The following HCRTR2 variants were observed in gnomAD, a reference collection of about 807,000 sequenced individuals.
HCRTR2 encodes the protein hypocretin receptor 2, also known as orexin receptor type 2.
HCRTR2 carries 22 observed loss-of-function variants against 49.0 expected under a neutral mutation model. That is an observed-to-expected ratio of 0.45 (90% CI 0.32 to 0.64). HCRTR2 has a LOEUF of 0.64. HCRTR2 is among the 30% of genes least tolerant of loss of function. The pLI is 0.04. For missense variants in HCRTR2, 491 were observed against 559.4 expected (o/e 0.88, Z 1.23); for synonymous variants, 236 against 205.3 (o/e 1.15, Z -1.28).
chr6:55,203,055 A>T (rs1262533478), intron 1 of HCRTR2, among the ~76,000 whole-genome samples: 1 of 152,178 alleles, frequency 6.6e-6, no homozygotes, highest in Non-Finnish European at 1.5e-5. Flanking sequence ...CATTATTCAG[A>T]GTTCTTCCAG....
intron 1 of HCRTR2, among the ~76,000 whole-genome samples, chr6:55,211,373 C>T (rs1691941959): frequency 6.6e-6 from 1 of 152,118 alleles, no homozygotes; most frequent in South Asian, 2.1e-4. Context: ...TTTTGCAAAG[C>T]ATCAAATGGT....
intron 1 of HCRTR2, among the ~76,000 whole-genome samples, chr6:55,151,116 C>G (rs1046306641): frequency 6.6e-6 from 1 of 151,908 alleles, no homozygotes; most frequent in Non-Finnish European, 1.5e-5. Context: ...TGGGTCTTGC[C>G]TCAATGTTGA....
At chr6:55,176,684 A>AT (rs1765045885) in intron 1 of HCRTR2, among the ~76,000 whole-genome samples, 1 of 152,148 alleles carries the variant, frequency 6.6e-6, no homozygotes, top group Admixed American at 6.6e-5. Context: ...ATTCAGTTCC[A>AT]TTTTTTCTGA....
At chr6:55,154,639 A>C (rs897259630) in intron 1 of HCRTR2, among the ~76,000 whole-genome samples, 9 of 151,828 alleles carry the variant, frequency 5.9e-5, no homozygotes, top group Admixed American at 3.3e-4. Context: ...GCTTCTATTC[A>C]GCATAGTGCT....
intron 1 of HCRTR2, among the ~76,000 whole-genome samples, chr6:55,112,254 C>T (rs558765667): frequency 2.6e-5 from 4 of 151,976 alleles, no homozygotes; most frequent in Non-Finnish European, 4.4e-5. Context: ...TGCCAACTTT[C>T]ACCACTTCTA....
At chr6:55,223,413 A>G (rs1347793781) in intron 1 of HCRTR2, among the ~76,000 whole-genome samples, 1 of 152,202 alleles carries the variant, frequency 6.6e-6, no homozygotes, top group African/African-American at 2.4e-5. Flanking sequence ...AAAATACAGC[A>G]TCGCTTTTAA....
chr6:55,110,092 C>G (rs1224098317), intron 1 of HCRTR2, among the ~76,000 whole-genome samples: 2 of 152,076 alleles, frequency 1.3e-5, no homozygotes, highest in South Asian at 2.1e-4. Context: ...AAATGATTAT[C>G]AGCCAAGAAT....
rs561714147 is a variant in HCRTR2 at position 55,208,319 on chromosome 6, T to TAAA, written c.223+33514_223+33516dup. 7.4e-4 allele frequency among the ~76,000 whole-genome samples: 94 copies of TAAA among 126,740 alleles called. 2 individuals carry two copies. Among genetic ancestry groups the TAAA allele is most frequent in the African/African-American group, 2.8e-3 (90 of 32,694 alleles). The allele number at this position is 126,740 out of a possible 152,430, so 83.1% of individuals were successfully genotyped here. A position where few individuals can be genotyped will look rare whatever the true frequency, so the allele number is the denominator to read the frequency against. ...GGTGAAAAACAGTCTCTACGAAAAA[T>TAAA]AAAAAAATAAAAAAAAAAAAAAAAT... On this transcript the variant is annotated intron_variant, in intron 1 of 6. Transcript: ENST00000370862.
intron 1 of HCRTR2, among the ~76,000 whole-genome samples, chr6:55,112,842 T>C (rs746593108): frequency 9.9e-5 from 15 of 151,554 alleles, no homozygotes; most frequent in Non-Finnish European, 2.2e-4. Flanking sequence ...GCAAAAAGAA[T>C]AAATCTGGAG....
chr6:55,118,441 G>A (rs537807824), intron 1 of HCRTR2, among the ~76,000 whole-genome samples: 1 of 151,956 alleles, frequency 6.6e-6, no homozygotes, highest in Admixed American at 6.6e-5. Flanking sequence ...GGGTTGAATG[G>A]TATTTCTGTC....
chr6:55,253,004 T>C (rs1184253279), intron 2 of HCRTR2, among the ~76,000 whole-genome samples: 2 of 152,034 alleles, frequency 1.3e-5, no homozygotes, highest in Non-Finnish European at 2.9e-5. Context: ...ATCCACATTT[T>C]ACAGATGAGA....
At chr6:55,233,545 A>G (rs1766157028) in intron 1 of HCRTR2, among the ~76,000 whole-genome samples, 1 of 152,302 alleles carries the variant, frequency 6.6e-6, no homozygotes, top group Admixed American at 6.5e-5. Flanking sequence ...AAATAAAATA[A>G]CACTAGCCAG....
chr6:55,214,911 A>G (rs914129784), intron 1 of HCRTR2, among the ~76,000 whole-genome samples: 1 of 152,026 alleles, frequency 6.6e-6, no homozygotes, highest in African/African-American at 2.4e-5. Context: ...AAACAAAAAG[A>G]AGACTAAAAA....
intron 1 of HCRTR2, among the ~76,000 whole-genome samples, chr6:55,158,724 C>A (rs995725070): frequency 3.3e-5 from 5 of 152,198 alleles, no homozygotes; most frequent in African/African-American, 4.8e-5. Context: ...GACAGTTCGG[C>A]AAAGCCACTA....
At chr6:55,275,810 A>C (rs1218492959) in intron 4 of HCRTR2, among the ~76,000 whole-genome samples, 2 of 151,942 alleles carry the variant, frequency 1.3e-5, no homozygotes, top group Non-Finnish European at 2.9e-5. Context: ...GGGTTTCTTC[A>C]TGTTGGTCAG....
chr6:55,124,560 T>G (rs1764247123), intron 1 of HCRTR2, among the ~76,000 whole-genome samples: 1 of 152,186 alleles, frequency 6.6e-6, no homozygotes, highest in Admixed American at 6.6e-5. Flanking sequence ...ATAAGTGTGA[T>G]GAATTGCTGA....
chr6:55,247,823 A>G (rs931460658), intron 1 of HCRTR2, among the ~76,000 whole-genome samples: 1 of 152,038 alleles, frequency 6.6e-6, no homozygotes, highest in Non-Finnish European at 1.5e-5. Flanking sequence ...TTGCTGGGTG[A>G]TGTTTAGAGG....
chr6:55,228,422 A>C (rs1766053038), intron 1 of HCRTR2, among the ~76,000 whole-genome samples: 1 of 152,218 alleles, frequency 6.6e-6, no homozygotes. Flanking sequence ...GCTTCTTAGC[A>C]TCTTTGTCTT....
At chr6:55,191,096 T>G (rs1039817351) in intron 1 of HCRTR2, among the ~76,000 whole-genome samples, 9 of 152,118 alleles carry the variant, frequency 5.9e-5, no homozygotes, top group Admixed American at 3.3e-4. Flanking sequence ...ATAAGAGGAA[T>G]TAGGGGCAAT....
Sources: allele counts gnomAD v4.1 joint callset (sites outside exome capture counted in the v4.1 genomes callset), GRCh38; gene constraint gnomAD v4.1.1; transcripts MANE v1.5; gene names NCBI Gene and HGNC (gene_info 2026-07-23, HGNC 2026-07-21).